The following CCSER1 variants were observed in gnomAD, a reference collection of about 807,000 sequenced individuals.
CCSER1 encodes the protein coiled-coil serine rich protein 1.
CCSER1 carries 41 observed loss-of-function variants against 82.0 expected under a neutral mutation model. That is an observed-to-expected ratio of 0.50 (90% CI 0.39 to 0.65). The LOEUF (loss-of-function observed/expected upper bound fraction) is 0.65, where lower values mean the gene tolerates loss of function less well. CCSER1 is among the 30% of genes least tolerant of loss of function. CCSER1 has a pLI of 0.00. For missense variants in CCSER1, 1,119 were observed against 1,064.2 expected (o/e 1.05, Z -0.72); for synonymous variants, 414 against 383.9 (o/e 1.08, Z -0.92).
intron 10 of CCSER1, among the ~76,000 whole-genome samples, chr4:91,156,572 G>A (rs1560475445): frequency 6.6e-6 from 1 of 151,294 alleles, no homozygotes; most frequent in Non-Finnish European, 1.5e-5. Flanking sequence ...TAAGTTAAAA[G>A]AATTAAATTT....
intron 1 of CCSER1, among the ~76,000 whole-genome samples, chr4:90,169,779 A>C: frequency 6.6e-6 from 1 of 151,300 alleles, no homozygotes; most frequent in Non-Finnish European, 1.5e-5. Context: ...CTTTGTCTAC[A>C]TTCTTTAATT....
chr4:91,207,628 T>G (rs1417343437), intron 10 of CCSER1, among the ~76,000 whole-genome samples: 1 of 151,830 alleles, frequency 6.6e-6, no homozygotes, highest in African/African-American at 2.4e-5. Flanking sequence ...TCCAGTCTAC[T>G]AATGATGGGC....
At chr4:90,807,739 A>G (rs182477932) in intron 7 of CCSER1, among the ~76,000 whole-genome samples, 25 of 152,234 alleles carry the variant, frequency 1.6e-4, no homozygotes, top group Admixed American at 5.2e-4. Context: ...AAAATCATAT[A>G]TGACATAAAA....
rs569389135 is a variant in CCSER1 at position 90,713,510 on chromosome 4, C to A, written c.1933-10404C>A. ...GCTTGTAGGCTTTCCACTGAGAGGT[C>A]CACTTTTAGTCTGATGGGCTTCCCT... is the stretch of plus-strand genomic sequence containing the variant. On this transcript the variant is annotated intron_variant, in intron 6 of 10. Transcript: ENST00000509176. Among the ~76,000 whole-genome samples, 3 of 152,032 alleles carry A rather than the reference C, an allele frequency of 2.0e-5. No homozygotes were observed. In the South Asian group the frequency reaches 6.3e-4, roughly 32 times the overall value.
At chr4:90,427,027 C>A (rs749751353) in intron 4 of CCSER1, among the ~76,000 whole-genome samples, 46 of 152,134 alleles carry the variant, frequency 3.0e-4, no homozygotes, top group Non-Finnish European at 5.4e-4. Context: ...AAATAGGAAT[C>A]CTTAAAAGTA....
intron 8 of CCSER1, among the ~76,000 whole-genome samples, chr4:90,853,054 A>G (rs1452366295): frequency 6.6e-6 from 1 of 152,126 alleles, no homozygotes; most frequent in Non-Finnish European, 1.5e-5. Context: ...AAAGAAGTAC[A>G]AGGTTTAAAT....
At chr4:90,514,094 T>A (rs1771923405) in intron 5 of CCSER1, among the ~76,000 whole-genome samples, 1 of 152,206 alleles carries the variant, frequency 6.6e-6, no homozygotes, top group South Asian at 2.1e-4. Flanking sequence ...AGTTGAGATA[T>A]TGCAGATAAC....
intron 5 of CCSER1, among the ~76,000 whole-genome samples, chr4:90,580,491 G>A (rs1781308412): frequency 6.6e-6 from 1 of 152,114 alleles, no homozygotes; most frequent in Non-Finnish European, 1.5e-5. Context: ...GCAAAAATAA[G>A]CATTCACTGT....
At chr4:90,363,321 A>G (rs1745706685) in intron 3 of CCSER1, among the ~76,000 whole-genome samples, 2 of 152,176 alleles carry the variant, frequency 1.3e-5, no homozygotes, top group Non-Finnish European at 2.9e-5. Flanking sequence ...CCAAGAATAT[A>G]TTTAATTTTT....
At chr4:91,238,965 AGG>A (rs1739236629) in intron 10 of CCSER1, among the ~76,000 whole-genome samples, 3 of 152,010 alleles carry the variant, frequency 2.0e-5, no homozygotes, top group Admixed American at 6.6e-5. Flanking sequence ...CTGGGACTAC[AGG>A]TGCCCACCAC....
chr4:90,747,156 C>T (rs1401392952), intron 7 of CCSER1, among the ~76,000 whole-genome samples: 1 of 152,078 alleles, frequency 6.6e-6, no homozygotes, highest in Non-Finnish European at 1.5e-5. Flanking sequence ...GAGAAAACAT[C>T]CCACTATTAG....
At chr4:90,689,974 C>T (rs1285675604) in intron 6 of CCSER1, among the ~76,000 whole-genome samples, 1 of 152,052 alleles carries the variant, frequency 6.6e-6, no homozygotes, top group African/African-American at 2.4e-5. Context: ...GGGCATTCCT[C>T]TGAAGGGTGA....
chr4:91,427,231 C>T (rs1203409828), intron 10 of CCSER1, among the ~76,000 whole-genome samples: 1 of 152,130 alleles, frequency 6.6e-6, no homozygotes, highest in Non-Finnish European at 1.5e-5. Flanking sequence ...AGATGGGACA[C>T]ATTGATTGCT....
At chr4:90,832,316 A>G (rs1189093038) in intron 8 of CCSER1, among the ~76,000 whole-genome samples, 1 of 151,926 alleles carries the variant, frequency 6.6e-6, no homozygotes, top group Non-Finnish European at 1.5e-5. Flanking sequence ...GTGTAGATAC[A>G]GATAGAACAT....
At chr4:91,588,820 A>T (rs1391364520) in intron 10 of CCSER1, among the ~76,000 whole-genome samples, 1 of 151,822 alleles carries the variant, frequency 6.6e-6, no homozygotes, top group Non-Finnish European at 1.5e-5. Context: ...GCTGAAGGAA[A>T]ACATAACTTA....
At chr4:91,082,378 TC>T (rs1157594015) in intron 9 of CCSER1, among the ~76,000 whole-genome samples, 2 of 152,184 alleles carry the variant, frequency 1.3e-5, no homozygotes, top group African/African-American at 4.8e-5. Flanking sequence ...TGAAACTGGA[TC>T]CCTTCCTTAC....
intron 9 of CCSER1, among the ~76,000 whole-genome samples, chr4:90,976,045 T>A (rs1389227299): frequency 6.6e-6 from 1 of 151,254 alleles, no homozygotes; most frequent in Non-Finnish European, 1.5e-5. Context: ...TGACTTCATT[T>A]TAAAAAGTCA....
intron 10 of CCSER1, among the ~76,000 whole-genome samples, chr4:91,227,643 A>G (rs947462879): frequency 1.6e-4 from 24 of 151,792 alleles, no homozygotes; most frequent in African/African-American, 5.8e-4. Flanking sequence ...AGTATACAAT[A>G]AGATAGTTTT....
rs1724394028 is a variant in CCSER1 at position 90,139,776 on chromosome 4, A to C, written c.-42+11945A>C. ...GAGACCAGCCTGGACAACATGATGAACTCTGTCTCTACTAAACAAACAAAC... is the reference window on the plus strand; with the variant it reads ...GAGACCAGCCTGGACAACATGATGACCTCTGTCTCTACTAAACAAACAAAC... On this transcript the variant is annotated intron_variant, in intron 1 of 10. Coordinates refer to ENST00000509176, the MANE Select transcript of CCSER1 (RefSeq NM_001145065.2). Among the ~76,000 whole-genome samples, 3 of 151,998 alleles carry C rather than the reference A, an allele frequency of 2.0e-5. No homozygotes were observed. The South Asian group carries it at 6.2e-4, about 32-fold the overall frequency.
Sources: gnomAD v4.1 joint callset for allele counts (sites outside exome capture counted in the v4.1 genomes callset) on GRCh38, gnomAD v4.1.1 for gene constraint, MANE v1.5 for transcripts, NCBI Gene and HGNC (gene_info 2026-07-23, HGNC 2026-07-21) for gene names.